The following COLEC10 variants were observed in gnomAD, a reference collection of about 807,000 sequenced individuals.
COLEC10 encodes the protein collectin subfamily member 10.
Under a neutral mutation model 28.4 loss-of-function variants are expected in COLEC10, and 22 were observed. That is an observed-to-expected ratio of 0.78 (90% CI 0.55 to 1.11). The LOEUF (loss-of-function observed/expected upper bound fraction) is 1.11, where lower values mean the gene tolerates loss of function less well. COLEC10 is among the 50% of genes least tolerant of loss of function. COLEC10 has a pLI of 0.00. For synonymous variants in COLEC10, 125 were observed against 116.1 expected, an observed-to-expected ratio of 1.08 and a Z score of -0.49; for missense variants, 361 against 344.1, an observed-to-expected ratio of 1.05 and a Z score of -0.39.
At chr8:119,001,149 T>C (rs1813692112) in intron 1 of COLEC10, among the ~76,000 whole-genome samples, 1 of 152,110 alleles carries the variant, frequency 6.6e-6, no homozygotes, top group South Asian at 2.1e-4. Context: ...GGTGATGATA[T>C]TGAGGATGCT....
chr8:119,055,845 C>T (rs570271466), intron 2 of COLEC10, among the ~76,000 whole-genome samples: 52 of 152,084 alleles, frequency 3.4e-4, no homozygotes, highest in African/African-American at 1.1e-3. Flanking sequence ...TTTAAAATAC[C>T]TTGACTGTTT....
intron 1 of COLEC10, among the ~76,000 whole-genome samples, chr8:119,079,247 T>C (rs1450727439): frequency 2.0e-5 from 3 of 152,196 alleles, no homozygotes; most frequent in Non-Finnish European, 2.9e-5. Context: ...TTCATGTGCA[T>C]GACCACATTT....
intron 1 of COLEC10, among the ~76,000 whole-genome samples, chr8:119,000,336 G>C (rs1349932526): frequency 6.6e-6 from 1 of 152,146 alleles, no homozygotes; most frequent in Non-Finnish European, 1.5e-5. Flanking sequence ...AAGTGTGATA[G>C]GATTATATGG....
In COLEC10 at chr8:119,089,746, C is replaced by T. The variant is rs775941726; in HGVS notation, c.215C>T (p.Pro72Leu). The change falls in exon 2 of 6, where the codon CCG becomes CTG. Residue 72 changes from proline (P) to leucine (L), a missense_variant. Coordinates refer to ENST00000332843, the MANE Select transcript of COLEC10 (RefSeq NM_006438.5). Reference protein sequence around the residue: ...GKHGKVGRMGPKGIKGELGDM... With the variant: ...GKHGKVGRMGLKGIKGELGDM... ...CATGGCAAAGTGGGACGCATGGGGCCGAAAGGTAACTAAAATGATGTGAAA... is the reference window on the plus strand; with the variant it reads ...CATGGCAAAGTGGGACGCATGGGGCTGAAAGGTAACTAAAATGATGTGAAA... The T allele has an allele frequency of 1.1e-5, 18 of 1,612,198 alleles. No individual in the cohort carries two copies. The highest frequency in any genetic ancestry group is 1.7e-5 in the Admixed American group (1 of 59,972).
chr8:118,964,058 T>C, the COLEC10 span, among the ~76,000 whole-genome samples: 3 of 152,308 alleles, frequency 2.0e-5, no homozygotes, highest in East Asian at 5.8e-4. Flanking sequence ...AAATGGGGAC[T>C]GAGGTGTTTT....
At chr8:119,092,689 T>C (rs1010501243) in intron 3 of COLEC10, among the ~76,000 whole-genome samples, 1 of 152,178 alleles carries the variant, frequency 6.6e-6, no homozygotes, top group South Asian at 2.1e-4. Context: ...GTGGATCACC[T>C]GAGGTCAGGA....
intron 5 of COLEC10, 47 bp downstream of exon 5, chr8:119,103,942 T>A (rs775772805): frequency 6.7e-6 from 8 of 1,186,698 alleles, no homozygotes; most frequent in Non-Finnish European, 1.0e-5. Context: ...TAGATCTCCA[T>A]CAACACTACA....
the COLEC10 span, among the ~76,000 whole-genome samples, chr8:118,978,117 T>A: frequency 6.6e-6 from 1 of 152,120 alleles, no homozygotes; most frequent in East Asian, 1.9e-4. Flanking sequence ...GTTGACAGGA[T>A]AGAGCCAAAG....
intron 1 of COLEC10, among the ~76,000 whole-genome samples, chr8:119,074,407 CCTA>C (rs1815185626): frequency 6.6e-6 from 1 of 152,120 alleles, no homozygotes; most frequent in East Asian, 1.9e-4. Flanking sequence ...AATGTATACA[CCTA>C]CTATGCACCC....
At chr8:119,005,956 TC>T (rs1813786177) in intron 1 of COLEC10, among the ~76,000 whole-genome samples, 1 of 152,072 alleles carries the variant, frequency 6.6e-6, no homozygotes, top group African/African-American at 2.4e-5. Context: ...AGGAGGATTT[TC>T]CCCACCATTC....
At chr8:119,102,011 C>G (rs2130304946) in intron 3 of COLEC10, among the ~76,000 whole-genome samples, 1 of 152,194 alleles carries the variant, frequency 6.6e-6, no homozygotes, top group South Asian at 2.1e-4. Flanking sequence ...ACAGGTTACA[C>G]AAATTCAAAT....
At chr8:119,051,181 A>G (rs1402451285) in intron 2 of COLEC10, among the ~76,000 whole-genome samples, 1 of 152,202 alleles carries the variant, frequency 6.6e-6, no homozygotes, top group Non-Finnish European at 1.5e-5. Flanking sequence ...AATGTAATCA[A>G]TTTTCAAAAT....
intron 2 of COLEC10, among the ~76,000 whole-genome samples, chr8:119,023,445 A>C (rs189090348): frequency 6.6e-6 from 1 of 152,278 alleles, no homozygotes; most frequent in East Asian, 1.9e-4. Context: ...AATACTTTTA[A>C]TATGGAAAAA....
At chr8:119,044,707 T>A (rs1232019395) in intron 2 of COLEC10, among the ~76,000 whole-genome samples, 1 of 151,766 alleles carries the variant, frequency 6.6e-6, no homozygotes, top group African/African-American at 2.4e-5. Flanking sequence ...ATATGAAAAT[T>A]AGCCAGGCGT....
At chr8:119,090,214 T>C (rs1305645544) in intron 2 of COLEC10, among the ~76,000 whole-genome samples, 1 of 152,222 alleles carries the variant, frequency 6.6e-6, no homozygotes, top group Non-Finnish European at 1.5e-5. Context: ...CCCTCCTTTG[T>C]TATATACAAA....
intron 1 of COLEC10, among the ~76,000 whole-genome samples, chr8:119,069,504 G>A (rs1288054844): frequency 1.4e-5 from 2 of 147,464 alleles, no homozygotes; most frequent in Admixed American, 6.8e-5. Context: ...TTACTTGGAC[G>A]TCTGAGGCAG....
At chr8:118,958,953 GT>G in the COLEC10 span, among the ~76,000 whole-genome samples, 1 of 152,180 alleles carries the variant, frequency 6.6e-6, no homozygotes, top group Non-Finnish European at 1.5e-5. Context: ...TGCCTGGCAG[GT>G]GTGGGATGTG....
chr8:118,966,528 TC>T, the COLEC10 span, among the ~76,000 whole-genome samples: 2 of 152,158 alleles, frequency 1.3e-5, no homozygotes, highest in Non-Finnish European at 2.9e-5. Flanking sequence ...AGCACACTGA[TC>T]CTTTGAAATA....
chr8:119,047,350 C>T (rs902361422), intron 2 of COLEC10, among the ~76,000 whole-genome samples: 86 of 152,294 alleles, frequency 5.6e-4, no homozygotes, highest in African/African-American at 2.0e-3. Flanking sequence ...CAGGGCGCAA[C>T]TCCAAGCCAA....
Sources: gnomAD v4.1 joint callset for allele counts (sites outside exome capture counted in the v4.1 genomes callset) on GRCh38, gnomAD v4.1.1 for gene constraint, MANE v1.5 for transcripts, NCBI Gene and HGNC (gene_info 2026-07-23, HGNC 2026-07-21) for gene names.